Variants in NRP2 observed in about 807,000 individuals in gnomAD.
NRP2 encodes neuropilin-2.
NRP2 carries 52 observed loss-of-function variants against 110.4 expected under a neutral mutation model. The observed-to-expected ratio is 0.47, with a 90% CI of 0.38 to 0.59. The LOEUF is 0.59. NRP2 is among the 20% of genes least tolerant of loss of function. The pLI is 0.00. For synonymous variants in NRP2, 508 were observed against 468.9 expected, an observed-to-expected ratio of 1.08 and a Z score of -1.08; for missense variants, 1,049 against 1,203.0, an observed-to-expected ratio of 0.87 and a Z score of 1.89.
chr2:205,794,873 G>T lies in NRP2; in HGVS notation c.2596G>T (p.Ala866Ser), dbSNP rs543002235. 3.1e-6 allele frequency: 5 copies of T among 1,613,988 alleles called. No homozygotes were observed. Among genetic ancestry groups the T allele is most frequent in the African/African-American group, 2.7e-5 (2 of 74,900 alleles). ...GGATCCCATCCTCATCACCATCATC[G>T]CCATGAGCTCACTGGGCGTCCTCCT... is the stretch of plus-strand genomic sequence containing the variant. Reference protein sequence around the residue: ...TLDPILITIIAMSSLGVLLGA... With the variant: ...TLDPILITIISMSSLGVLLGA... The change falls in exon 17 of 17, where the codon GCC becomes TCC. Residue 866 changes from alanine (A) to serine (S), a missense_variant. Coordinates refer to ENST00000357785, the MANE Select transcript of NRP2 (RefSeq NM_003872.3).
At chr2:205,694,195 G>C (rs915849482) in intron 1 of NRP2, among the ~76,000 whole-genome samples, 4 of 152,166 alleles carry the variant, frequency 2.6e-5, no homozygotes, top group African/African-American at 7.2e-5. Context: ...AGGAGAAAAA[G>C]AGCAAGACAG....
At chr2:205,753,805 A>G (rs1363725293) in intron 12 of NRP2, among the ~76,000 whole-genome samples, 2 of 152,202 alleles carry the variant, frequency 1.3e-5, no homozygotes, top group African/African-American at 4.8e-5. Context: ...TACCAACACA[A>G]CATCAATGGA....
At position 205,740,563 on chromosome 2, in the gene NRP2, G is replaced by C; in HGVS notation, c.1191G>C (p.Lys397Asn). ...ATGCAACTGAGGTGGTTCTGAACAA[G>C]CTCCACGCTCCACTGCTGACAAGGT... ...NNDATEVVLN[K>N]LHAPLLTRFV... Residue 397 changes from lysine (K) to asparagine (N), a missense_variant, in exon 8 of 17, where the codon AAG becomes AAC. Transcript: ENST00000357785. The C allele has an allele frequency of 6.2e-7, 1 of 1,614,196 alleles. No homozygotes were observed. Among genetic ancestry groups the C allele is most frequent in the Non-Finnish European group, 8.5e-7 (1 of 1,180,026 alleles).
In NRP2 at chr2:205,743,257, A is replaced by G. The variant is rs1453882403; in HGVS notation, c.1346A>G (p.Gln449Arg). 6.2e-7 allele frequency: 1 copy of G among 1,613,944 alleles called. No homozygotes were observed. The highest frequency in any genetic ancestry group is 8.5e-7 in the Non-Finnish European group (1 of 1,180,024). Residue 449 changes from glutamine to arginine, a missense_variant, in exon 9 of 17, where the codon CAG (glutamine) becomes CGG (arginine). Physicochemically the swap from Gln to Arg is conservative, Grantham distance 43. Transcript: ENST00000357785. Reference protein sequence around the residue: ...GMLSGLIADSQISASSTQEYL... With the variant: ...GMLSGLIADSRISASSTQEYL... ...CTCTCAGGCCTCATTGCAGACTCCC[A>G]GATCTCCGCCTCTTCCACCCAGGAA...
At chr2:205,785,070 G>A (rs368228261) in intron 15 of NRP2, among the ~76,000 whole-genome samples, 4 of 152,210 alleles carry the variant, frequency 2.6e-5, no homozygotes, top group East Asian at 3.9e-4. Flanking sequence ...CAGAAGAAGA[G>A]CCCATCTTTT....
chr2:205,699,020 A>C (rs1235977244), intron 2 of NRP2, among the ~76,000 whole-genome samples: 1 of 152,188 alleles, frequency 6.6e-6, no homozygotes, highest in Non-Finnish European at 1.5e-5. Context: ...GCTAATTTGC[A>C]CCTACATAAT....
At chr2:205,778,493 G>A (rs2058133502) in intron 15 of NRP2, 1 of 152,236 alleles carries the variant, frequency 6.6e-6, no homozygotes, top group African/African-American at 2.4e-5. Flanking sequence ...GAGAAACGGG[G>A]AGTGGAGAGG....
intron 2 of NRP2, among the ~76,000 whole-genome samples, chr2:205,711,210 G>A (rs557355517): frequency 5.3e-5 from 8 of 152,186 alleles, no homozygotes; most frequent in Non-Finnish European, 1.2e-4. Flanking sequence ...TCAACAAAAA[G>A]TGAATGAGAC....
chr2:205,691,811 C>G (rs1262932722), intron 1 of NRP2, among the ~76,000 whole-genome samples: 1 of 152,100 alleles, frequency 6.6e-6, no homozygotes, highest in Non-Finnish European at 1.5e-5. Flanking sequence ...TATCGGCTGC[C>G]CTATTGGAAT....
intron 6 of NRP2, 81 bp from the exon 7 acceptor site, chr2:205,727,810 T>C (rs2241157): frequency 0.093 from 132,083 of 1,423,770 alleles, 7,104 homozygotes; most frequent in African/African-American, 0.21. Context: ...CAAAGTCTAA[T>C]GATTGTGTCC....
At chr2:205,746,940 G>A (rs1033617343) in intron 10 of NRP2, among the ~76,000 whole-genome samples, 3 of 152,164 alleles carry the variant, frequency 2.0e-5, no homozygotes, top group Non-Finnish European at 4.4e-5. Context: ...GGCAGCCCCA[G>A]CGAACACATC....
intron 8 of NRP2, 122 bp from the exon 9 acceptor site, chr2:205,743,081 G>T (rs1037897221): frequency 4.0e-5 from 63 of 1,580,692 alleles, no homozygotes; most frequent in Non-Finnish European, 5.0e-5. Context: ...ACCATGCAAA[G>T]AAATTAGTGC....
chr2:205,780,752 A>G (rs2058164618), intron 15 of NRP2, among the ~76,000 whole-genome samples: 1 of 152,198 alleles, frequency 6.6e-6, no homozygotes, highest in Admixed American at 6.5e-5. Context: ...TAGATCCAGG[A>G]AGGAGTGCTT....
chr2:205,724,153 AAT>A (rs3072657), intron 5 of NRP2, among the ~76,000 whole-genome samples: 55,998 of 151,916 alleles, frequency 0.37, 12,400 homozygotes, highest in East Asian at 0.7. Flanking sequence ...TTCTTTAAAA[AAT>A]ATATATATGT....
chr2:205,742,687 G>T (rs1047117786), intron 8 of NRP2, among the ~76,000 whole-genome samples: 1 of 152,232 alleles, frequency 6.6e-6, no homozygotes, highest in Admixed American at 6.5e-5. Flanking sequence ...ACAATTACTA[G>T]GAAATAATTC....
At position 205,776,794 on chromosome 2, in the gene NRP2, C is replaced by G. The variant is rs539393126; in HGVS notation, c.2425+9991C>G. The G allele has an allele frequency of 1.8e-5, 24 of 1,364,780 alleles. 1 individual carries two copies. The highest frequency in any genetic ancestry group is 5.6e-4 in the Middle Eastern group (2 of 3,558). The allele number at this position is 1,364,780 out of a possible 1,614,324, so 84.5% of individuals were successfully genotyped here. A position where few individuals can be genotyped will look rare whatever the true frequency, so the allele number is the denominator to read the frequency against. On this transcript the variant is annotated intron_variant, in intron 15 of 16. Transcript: ENST00000357785. ...TTGGACTATCCGAAGAGATCCACCC[C>G]CAAGCACTCCACAACTCAAGGCTCA...
intron 6 of NRP2, 53 bp from the exon 7 acceptor site, chr2:205,727,838 C>T (rs2105826608): frequency 1.3e-6 from 2 of 1,557,096 alleles, no homozygotes; most frequent in East Asian, 2.3e-5. Flanking sequence ...AAAAACAAGA[C>T]ACTGCCCTGT....
At chr2:205,784,170 C>A (rs1409520523) in intron 15 of NRP2, among the ~76,000 whole-genome samples, 1 of 152,204 alleles carries the variant, frequency 6.6e-6, no homozygotes, top group Non-Finnish European at 1.5e-5. Flanking sequence ...CTTTCTCCAG[C>A]AGCAGGACTC....
intron 15 of NRP2, among the ~76,000 whole-genome samples, chr2:205,789,682 C>A (rs78833191): frequency 6.6e-6 from 1 of 152,140 alleles, no homozygotes; most frequent in Non-Finnish European, 1.5e-5. Flanking sequence ...TAGCTTTACC[C>A]GTTGGTTCTC....
Sources: gnomAD v4.1 joint callset for allele counts (sites outside exome capture counted in the v4.1 genomes callset) on GRCh38, gnomAD v4.1.1 for gene constraint, MANE v1.5 for transcripts, NCBI Gene and HGNC (gene_info 2026-07-23, HGNC 2026-07-21) for gene names.